Variants in PREP observed in about 807,000 individuals in gnomAD.
The protein encoded by PREP is prolyl endopeptidase.
In PREP, 29 loss-of-function variants were observed where a neutral mutation model predicts 87.6. That is an observed-to-expected ratio of 0.33 (90% CI 0.25 to 0.45). The LOEUF is 0.45. Among genes scored for constraint, PREP ranks in the 20% least tolerant of loss-of-function variants. PREP has a pLI of 1.00. For missense variants in PREP, 695 were observed against 886.5 expected (o/e 0.78, Z 2.74); for synonymous variants, 337 against 328.6 (o/e 1.03, Z -0.28).
At chr6:105,313,711 C>CAG (rs1418314415) in intron 10 of PREP, among the ~76,000 whole-genome samples, 2 of 152,170 alleles carry the variant, frequency 1.3e-5, no homozygotes, top group Non-Finnish European at 2.9e-5. Flanking sequence ...GCACAAGGGG[C>CAG]AGAGGTCTTG....
chr6:105,382,503 G>A (rs966447240), intron 2 of PREP, among the ~76,000 whole-genome samples: 10 of 151,962 alleles, frequency 6.6e-5, no homozygotes, highest in African/African-American at 1.9e-4. Context: ...TTTCTAAATG[G>A]AAGTGTAAAT....
chr6:105,381,422 A>G (rs1772835041), intron 2 of PREP, among the ~76,000 whole-genome samples: 1 of 151,594 alleles, frequency 6.6e-6, no homozygotes, highest in Non-Finnish European at 1.5e-5. Flanking sequence ...TAAATATTAG[A>G]AAAAAAAATT....
intron 10 of PREP, among the ~76,000 whole-genome samples, chr6:105,321,842 T>C (rs191012662): frequency 8.0e-4 from 122 of 152,242 alleles, no homozygotes; most frequent in Middle Eastern, 3.4e-3. Context: ...AGCCCCCTCA[T>C]AGACATGAGA....
intron 2 of PREP, among the ~76,000 whole-genome samples, chr6:105,383,042 A>G (rs1275734565): frequency 3.9e-5 from 6 of 152,184 alleles, no homozygotes; most frequent in Non-Finnish European, 8.8e-5. Context: ...CTCCAAGTAC[A>G]GGGACAGCCC....
At chr6:105,379,497 C>T (rs1364785786) in intron 2 of PREP, among the ~76,000 whole-genome samples, 1 of 152,170 alleles carries the variant, frequency 6.6e-6, no homozygotes, top group African/African-American at 2.4e-5. Context: ...TGGAAGAAAA[C>T]ACCATGCCTA....
intron 10 of PREP, among the ~76,000 whole-genome samples, chr6:105,295,108 T>A (rs909889966): frequency 6.6e-6 from 1 of 152,116 alleles, no homozygotes; most frequent in Admixed American, 6.5e-5. Context: ...CTCAAAGTCT[T>A]CCATCTTTTC....
chr6:105,305,404 C>T (rs1370843418), intron 10 of PREP, among the ~76,000 whole-genome samples: 1 of 152,082 alleles, frequency 6.6e-6, no homozygotes, highest in Non-Finnish European at 1.5e-5. Flanking sequence ...AACAGAAGTC[C>T]TAGAATCAGG....
intron 10 of PREP, among the ~76,000 whole-genome samples, chr6:105,315,106 C>G (rs909485269): frequency 6.6e-6 from 1 of 152,188 alleles, no homozygotes; most frequent in Non-Finnish European, 1.5e-5. Flanking sequence ...GTGCTGTCAT[C>G]CAGGCCATTT....
intron 10 of PREP, among the ~76,000 whole-genome samples, chr6:105,311,351 C>T (rs1770757045): frequency 6.6e-6 from 1 of 152,170 alleles, no homozygotes; most frequent in African/African-American, 2.4e-5. Flanking sequence ...TCATCCACTC[C>T]CCCCTTACTC....
intron 10 of PREP, among the ~76,000 whole-genome samples, chr6:105,306,041 C>A (rs749226091): frequency 2.6e-5 from 4 of 151,976 alleles, no homozygotes; most frequent in Non-Finnish European, 4.4e-5. Context: ...GGGGTCTCAC[C>A]TATGTGTCCC....
chr6:105,345,658 A>G (rs1771776860), intron 7 of PREP, among the ~76,000 whole-genome samples: 2 of 152,238 alleles, frequency 1.3e-5, no homozygotes, highest in Admixed American at 1.3e-4. Context: ...TGCAGGGCGC[A>G]TGGGCTGCTG....
At chr6:105,317,114 T>TA (rs201487403) in intron 10 of PREP, among the ~76,000 whole-genome samples, 104 of 150,324 alleles carry the variant, frequency 6.9e-4, no homozygotes, top group African/African-American at 2.2e-3. Context: ...CCTGGCTAAT[T>TA]AAAAAAAAAT....
At chr6:105,310,342 T>G (rs887341217) in intron 10 of PREP, among the ~76,000 whole-genome samples, 3 of 152,166 alleles carry the variant, frequency 2.0e-5, no homozygotes, top group Non-Finnish European at 4.4e-5. Context: ...ATCACACCCA[T>G]CCATAAAGAA....
At chr6:105,399,983 A>G (rs1164889414) in intron 1 of PREP, among the ~76,000 whole-genome samples, 6 of 152,230 alleles carry the variant, frequency 3.9e-5, no homozygotes, top group Non-Finnish European at 5.9e-5. Context: ...AAGCAGCCCT[A>G]TCTGCCCAGA....
intron 10 of PREP, among the ~76,000 whole-genome samples, chr6:105,289,938 C>A (rs932567048): frequency 4.6e-5 from 7 of 152,114 alleles, no homozygotes; most frequent in African/African-American, 1.7e-4. Context: ...ATAGAAATAA[C>A]CATGGTGGGG....
In PREP at chr6:105,292,094, C is replaced by T. The variant is rs551214289; in HGVS notation, c.1318-3200G>A. On this transcript the variant is annotated intron_variant, in intron 10 of 14. Transcript: ENST00000652536. Reference sequence around the variant, plus strand: ...AAATCTTGAACCCTTCAGAATCATCCATGAGCGTTACAATCACTTCTTTCA... The same window carrying T: ...AAATCTTGAACCCTTCAGAATCATCTATGAGCGTTACAATCACTTCTTTCA... Among the ~76,000 whole-genome samples the T allele has an allele frequency of 3.1e-4, 47 of 152,282 alleles. 1 individual carries two copies. The South Asian group carries it at 9.5e-3, about 31-fold the overall frequency.
At chr6:105,347,710 C>A (rs2114677304) in intron 7 of PREP, among the ~76,000 whole-genome samples, 1 of 152,020 alleles carries the variant, frequency 6.6e-6, no homozygotes, top group Admixed American at 6.5e-5. Flanking sequence ...TATAAGGCAA[C>A]TTTTTATATA....
intron 14 of PREP, chr6:105,280,521 T>C (rs1202262147): frequency 6.6e-6 from 1 of 152,232 alleles, no homozygotes; most frequent in African/African-American, 2.4e-5. Context: ...TTGTGTAAGA[T>C]TTCAATAATG....
chr6:105,396,168 A>T (rs1254730515), intron 2 of PREP, among the ~76,000 whole-genome samples: 1 of 152,222 alleles, frequency 6.6e-6, no homozygotes, highest in Non-Finnish European at 1.5e-5. Context: ...AACCCCAAAT[A>T]TCAACCATTC....
Sources: allele counts gnomAD v4.1 joint callset (sites outside exome capture counted in the v4.1 genomes callset), GRCh38; gene constraint gnomAD v4.1.1; transcripts MANE v1.5; gene names NCBI Gene and HGNC (gene_info 2026-07-23, HGNC 2026-07-21).